Variants in DPP10 observed in about 807,000 individuals in gnomAD.
The protein encoded by DPP10 is dipeptidyl peptidase like 10.
DPP10 carries 33 observed loss-of-function variants against 120.9 expected under a neutral mutation model. The ratio of observed to expected loss-of-function variants is 0.27; its 90% CI spans 0.21 to 0.37. The LOEUF (loss-of-function observed/expected upper bound fraction) is 0.37. Ranked by LOEUF, DPP10 falls within the 10% of genes least tolerant of loss-of-function variation. The pLI, the probability that DPP10 is intolerant of heterozygous loss-of-function variation, is 1.00. For missense variants in DPP10, 816 were observed against 942.8 expected, an observed-to-expected ratio of 0.87 and a Z score of 1.76; for synonymous variants, 337 against 326.1, an observed-to-expected ratio of 1.03 and a Z score of -0.36.
chr2:115,523,835 G>T (rs1003927430), intron 4 of DPP10, among the ~76,000 whole-genome samples: 6 of 152,098 alleles, frequency 3.9e-5, no homozygotes, highest in Non-Finnish European at 8.8e-5. Flanking sequence ...CAGACCACAT[G>T]GTAGATGACT....
At chr2:115,827,490 A>G (rs1234510773) in intron 21 of DPP10, among the ~76,000 whole-genome samples, 1 of 144,012 alleles carries the variant, frequency 6.9e-6, no homozygotes, top group Non-Finnish European at 1.5e-5. Context: ...TCTGACCTTT[A>G]TGCCACAGTT....
At chr2:115,389,126 A>T (rs1174953182) in intron 3 of DPP10, among the ~76,000 whole-genome samples, 2 of 152,176 alleles carry the variant, frequency 1.3e-5, no homozygotes, top group Non-Finnish European at 2.9e-5. Flanking sequence ...TTATCTTGGT[A>T]AAGAATGTAT....
In DPP10 at chr2:114,542,048, C is replaced by CTTTTTTTTTT. The variant is rs761961981; in HGVS notation, c.60+99210_60+99211insTTTTTTTTTT. On this transcript the variant is annotated intron_variant, in intron 1 of 25. Coordinates refer to ENST00000410059, the MANE Select transcript of DPP10 (RefSeq NM_020868.6). ...TACAGTTTTTTTTCTTTCTTTCTTT[C>CTTTTTTTTTT]CTTTTTTTTTTTTTTTTGAGATGGA... 3.3e-5 allele frequency among the ~76,000 whole-genome samples: 4 copies of CTTTTTTTTTT among 122,198 alleles called. 1 individual carries two copies. Among genetic ancestry groups the CTTTTTTTTTT allele is most frequent in the African/African-American group, 6.3e-5 (2 of 31,964 alleles). The allele number at this position is 122,198 out of a possible 152,430, so 80.2% of individuals were successfully genotyped here. A position where few individuals can be genotyped will look rare whatever the true frequency, so the allele number is the denominator to read the frequency against.
intron 3 of DPP10, among the ~76,000 whole-genome samples, chr2:115,412,611 T>C (rs889696624): frequency 6.6e-6 from 1 of 152,302 alleles, no homozygotes; most frequent in African/African-American, 2.4e-5. Flanking sequence ...TTTGTTTCCT[T>C]TATAATAACT....
chr2:114,951,064 A>G (rs571787519), intron 1 of DPP10, among the ~76,000 whole-genome samples: 1 of 152,208 alleles, frequency 6.6e-6, no homozygotes, highest in Non-Finnish European at 1.5e-5. Flanking sequence ...GCATTGGTAA[A>G]GTTATTAAAT....
At chr2:114,953,798 ATTAT>A (rs998942790) in intron 1 of DPP10, among the ~76,000 whole-genome samples, 1 of 152,108 alleles carries the variant, frequency 6.6e-6, no homozygotes, top group African/African-American at 2.4e-5. Context: ...AAAACTACTG[ATTAT>A]TTAATGTTTT....
At chr2:115,590,337 G>A (rs1209825506) in intron 5 of DPP10, among the ~76,000 whole-genome samples, 270 of 151,902 alleles carry the variant, frequency 1.8e-3, no homozygotes, top group Non-Finnish European at 2.9e-3. Flanking sequence ...CTCACGACAG[G>A]CTCCAGTGTT....
At chr2:115,320,128 T>C (rs569655093) in intron 2 of DPP10, among the ~76,000 whole-genome samples, 1 of 152,312 alleles carries the variant, frequency 6.6e-6, no homozygotes, top group African/African-American at 2.4e-5. Context: ...CAATATATAG[T>C]ATCACTTCTT....
rs59031977 is a variant in DPP10, at chr2:115,167,604, CAA to C, written c.61-141616_61-141615del. On this transcript the variant is annotated intron_variant, in intron 1 of 25. Transcript: ENST00000410059. Reference sequence around the variant, plus strand: ...CTTGGGCAACAGAACGAGACCGTCTCAAAAAAAAAAAAAAAAAAAAGCCTCAG... The same window carrying C: ...CTTGGGCAACAGAACGAGACCGTCTCAAAAAAAAAAAAAAAAAAGCCTCAG... Among the ~76,000 whole-genome samples the C allele has an allele frequency of 2.9e-3, 139 of 48,540 alleles. 1 individual carries two copies. Among genetic ancestry groups the C allele is most frequent in the Middle Eastern group, 0.02 (2 of 102 alleles). 31.8% of individuals were successfully genotyped at this position (48,540 alleles called of 152,430 possible).
chr2:115,358,812 C>T (rs2064579188), intron 3 of DPP10, among the ~76,000 whole-genome samples: 1 of 152,152 alleles, frequency 6.6e-6, no homozygotes, highest in Admixed American at 6.6e-5. Flanking sequence ...GGGAAGCAAA[C>T]ATATCCTTCA....
At chr2:115,417,321 A>C (rs974704971) in intron 3 of DPP10, among the ~76,000 whole-genome samples, 4 of 152,186 alleles carry the variant, frequency 2.6e-5, no homozygotes, top group African/African-American at 9.7e-5. Context: ...TAGCTCTTAG[A>C]AAATGATGTC....
intron 21 of DPP10, among the ~76,000 whole-genome samples, chr2:115,835,199 G>A (rs1395959692): frequency 1.3e-5 from 2 of 151,762 alleles, no homozygotes; most frequent in Non-Finnish European, 2.9e-5. Context: ...CTTTGTACAT[G>A]GGATAGAAAC....
At chr2:114,815,157 G>A (rs72959590) in intron 1 of DPP10, among the ~76,000 whole-genome samples, 3,255 of 152,286 alleles carry the variant, frequency 0.021, 111 homozygotes, top group African/African-American at 0.069. Flanking sequence ...AAAGAGAAGC[G>A]AGTCTCATGT....
intron 24 of DPP10, among the ~76,000 whole-genome samples, chr2:115,839,036 C>G (rs1354841325): frequency 6.6e-6 from 1 of 152,118 alleles, no homozygotes; most frequent in Non-Finnish European, 1.5e-5. Flanking sequence ...GAAAAAAAAT[C>G]CAATTGGAAA....
At chr2:115,660,948 A>T (rs1325353920) in intron 5 of DPP10, among the ~76,000 whole-genome samples, 1 of 144,716 alleles carries the variant, frequency 6.9e-6, no homozygotes, top group African/African-American at 2.5e-5. Context: ...GCAACCAGTT[A>T]AAAATTCATA....
At chr2:114,576,035 A>G (rs1304287912) in intron 1 of DPP10, among the ~76,000 whole-genome samples, 1 of 152,244 alleles carries the variant, frequency 6.6e-6, no homozygotes, top group Non-Finnish European at 1.5e-5. Context: ...TCAGGATGTA[A>G]AAGAACTAGG....
intron 1 of DPP10, among the ~76,000 whole-genome samples, chr2:115,094,540 A>AAGAAG (rs1709556379): frequency 3.3e-5 from 5 of 151,920 alleles, no homozygotes; most frequent in Non-Finnish European, 4.4e-5. Context: ...TGCAAATACA[A>AAGAAG]TAAGAAGATT....
chr2:115,133,145 G>GTCTATATATATA (rs1338395575), intron 1 of DPP10, among the ~76,000 whole-genome samples: 1 of 28,762 alleles, frequency 3.5e-5, no homozygotes, highest in African/African-American at 1.3e-4. Flanking sequence ...GTGTGTGTGT[G>GTCTATATATATA]TATATATATA....
At chr2:114,984,849 A>G (rs1304852873) in intron 1 of DPP10, among the ~76,000 whole-genome samples, 3 of 151,986 alleles carry the variant, frequency 2.0e-5, no homozygotes, top group Non-Finnish European at 2.9e-5. Flanking sequence ...CGCTATTCCA[A>G]TCTGTGGTCC....
Sources: allele counts gnomAD v4.1 joint callset (sites outside exome capture counted in the v4.1 genomes callset), GRCh38; gene constraint gnomAD v4.1.1; transcripts MANE v1.5; gene names NCBI Gene and HGNC (gene_info 2026-07-23, HGNC 2026-07-21).